Variants in PKN2 observed in about 807,000 individuals in gnomAD.
The protein encoded by PKN2 is serine/threonine-protein kinase N2.
PKN2 carries 38 observed loss-of-function variants against 119.1 expected under a neutral mutation model. The ratio of observed to expected loss-of-function variants is 0.32; its 90% CI spans 0.25 to 0.42. The LOEUF is 0.42. Among genes scored for constraint, PKN2 ranks in the 10% least tolerant of loss-of-function variants. The pLI, the probability that PKN2 is intolerant of heterozygous loss-of-function variation, is 1.00. For synonymous variants in PKN2, 390 were observed against 384.9 expected, an observed-to-expected ratio of 1.01 and a Z score of -0.15; for missense variants, 850 against 1,165.1, an observed-to-expected ratio of 0.73 and a Z score of 3.94.
At chr1:88,806,543 T>C (rs192899927) in intron 12 of PKN2, among the ~76,000 whole-genome samples, 2 of 152,292 alleles carry the variant, frequency 1.3e-5, no homozygotes, top group South Asian at 2.1e-4. Context: ...CTTCTTAATG[T>C]TGGCATGAAA....
At chr1:88,738,280 A>G (rs2100739692) in intron 1 of PKN2, among the ~76,000 whole-genome samples, 1 of 152,368 alleles carries the variant, frequency 6.6e-6, no homozygotes, top group Non-Finnish European at 1.5e-5. Flanking sequence ...AATTGTTTCA[A>G]TAAGGTACAC....
Position 88,813,698 on chromosome 1 carries a change from C to T in PKN2, c.2244C>T (p.His748=), listed in dbSNP as rs1285378571. 6.2e-7 allele frequency: 1 copy of T among 1,601,178 alleles called. No homozygotes were observed. Among genetic ancestry groups the T allele is most frequent in the Admixed American group, 1.8e-5 (1 of 56,976 alleles). Residue 748 remains histidine, a synonymous_variant, in exon 16 of 22, where the codon CAC becomes CAT. Transcript: ENST00000370521. ...EYAAGGDLMM[H]IHTDVFSEPR... is the part of the protein sequence containing the mutation. ...CTGCCGGTGGGGACCTAATGATGCACATTCATACTGATGTCTTTTCTGAAC... is the reference window on the plus strand; with the variant it reads ...CTGCCGGTGGGGACCTAATGATGCATATTCATACTGATGTCTTTTCTGAAC...
chr1:88,713,438 G>C (rs11803660), intron 1 of PKN2, among the ~76,000 whole-genome samples: 6,186 of 152,208 alleles, frequency 0.041, 201 homozygotes, highest in African/African-American at 0.084. Context: ...TCCAGCATCT[G>C]TTGTTTCCCT....
chr1:88,712,479 G>A (rs976924718), intron 1 of PKN2, among the ~76,000 whole-genome samples: 1 of 152,082 alleles, frequency 6.6e-6, no homozygotes, highest in Non-Finnish European at 1.5e-5. Flanking sequence ...TATGACTTCT[G>A]TAGGAGGAGT....
At chr1:88,790,246 ACCT>A (rs975991851) in intron 8 of PKN2, among the ~76,000 whole-genome samples, 1 of 152,166 alleles carries the variant, frequency 6.6e-6, no homozygotes, top group African/African-American at 2.4e-5. Flanking sequence ...TTCTTGCTTT[ACCT>A]CCTCATGCTG....
chr1:88,738,286 TA>T (rs1433559749), intron 1 of PKN2, among the ~76,000 whole-genome samples: 1 of 152,120 alleles, frequency 6.6e-6, no homozygotes, highest in African/African-American at 2.4e-5. Context: ...TTCAATAAGG[TA>T]CACAATATCA....
rs770040970 is a variant in PKN2, at chr1:88,684,571, C to G, written c.-10C>G. 1.4e-5 allele frequency: 22 copies of G among 1,547,300 alleles called. No individual in the cohort carries two copies. Among genetic ancestry groups the G allele is most frequent in the Non-Finnish European group, 3.5e-6 (4 of 1,146,504 alleles). ...GCCGCGTCCAGGTGCGGAGTCCATA[C>G]CGGAGCGCAATGGCGTCCAACCCCG... is the stretch of plus-strand genomic sequence containing the variant. On this transcript the variant is annotated 5_prime_UTR_variant, in exon 1 of 22. Coordinates refer to ENST00000370521, the MANE Select transcript of PKN2 (RefSeq NM_006256.4).
rs1387461755 is a variant in PKN2 at position 88,804,347 on chromosome 1, G to T, written c.1282-44G>T. ...TATTTTATTCAAGTGTGTGTCCAAT[G>T]ATGTCTTTTCTGTTTTCTTTATTAT... On this transcript the variant is annotated intron_variant, in intron 8 of 21. Coordinates refer to ENST00000370521, the MANE Select transcript of PKN2 (RefSeq NM_006256.4). 7 of 1,431,598 alleles carry T rather than the reference G, an allele frequency of 4.9e-6. No homozygotes were observed. In the Admixed American group the frequency reaches 1.0e-4, roughly 21 times the overall value. 88.7% of individuals were successfully genotyped at this position (1,431,598 alleles called of 1,614,324 possible).
At chr1:88,807,166 A>T (rs571630668) in intron 12 of PKN2, 147 bp from the exon 13 acceptor site, 30 of 607,980 alleles carry the variant, frequency 4.9e-5, no homozygotes, top group South Asian at 1.8e-4. Flanking sequence ...AGAAAAAAAA[A>T]TTTTTTTAAA....
At chr1:88,692,658 G>A (rs1411754562) in intron 1 of PKN2, among the ~76,000 whole-genome samples, 1 of 151,910 alleles carries the variant, frequency 6.6e-6, no homozygotes, top group African/African-American at 2.4e-5. Flanking sequence ...CTTTTTACGT[G>A]GCTTCTTCAG....
intron 15 of PKN2, among the ~76,000 whole-genome samples, chr1:88,813,328 A>G (rs752861563): frequency 1.3e-5 from 2 of 152,172 alleles, no homozygotes; most frequent in Non-Finnish European, 2.9e-5. Context: ...TAGACTATCA[A>G]TGTGAATGCT....
chr1:88,772,013 A>G (rs1179837864), intron 6 of PKN2, 134 bp downstream of exon 6: 2 of 627,154 alleles, frequency 3.2e-6, no homozygotes, highest in South Asian at 4.3e-5. Flanking sequence ...AATTTGTTGT[A>G]TTAACCATTT....
chr1:88,684,994 T>A (rs891131543), intron 1 of PKN2: 2 of 206,846 alleles, frequency 9.7e-6, no homozygotes, highest in African/African-American at 4.7e-5. Context: ...GCCCCCTCCC[T>A]TCGCGCGGCC....
intron 8 of PKN2, among the ~76,000 whole-genome samples, chr1:88,790,517 C>A (rs1204536987): frequency 2.0e-5 from 3 of 152,136 alleles, no homozygotes; most frequent in Non-Finnish European, 2.9e-5. Context: ...CTCAGTATTA[C>A]AGTCGAGAAT....
At chr1:88,727,172 G>T (rs79746043) in intron 1 of PKN2, among the ~76,000 whole-genome samples, 6 of 145,198 alleles carry the variant, frequency 4.1e-5, no homozygotes, top group African/African-American at 1.3e-4. Flanking sequence ...TTTTAATGAC[G>T]CTCTTTTTTT....
chr1:88,709,567 A>G (rs535535609), intron 1 of PKN2, among the ~76,000 whole-genome samples: 108 of 152,302 alleles, frequency 7.1e-4, no homozygotes, highest in African/African-American at 2.5e-3. Flanking sequence ...CAGGATTCAA[A>G]ATGGACATAA....
chr1:88,819,224 C>T (rs1672143257), intron 16 of PKN2, among the ~76,000 whole-genome samples: 1 of 152,132 alleles, frequency 6.6e-6, no homozygotes, highest in Admixed American at 6.5e-5. Context: ...AAACTGTCGT[C>T]AGAGTGAACA....
intron 18 of PKN2, among the ~76,000 whole-genome samples, chr1:88,825,152 G>T (rs1000153114): frequency 2.6e-5 from 4 of 152,190 alleles, no homozygotes; most frequent in Non-Finnish European, 5.9e-5. Flanking sequence ...ATGAATAAAT[G>T]AATGAACTCT....
chr1:88,764,731 G>T (rs1157108060), intron 3 of PKN2, among the ~76,000 whole-genome samples: 3 of 152,146 alleles, frequency 2.0e-5, no homozygotes, highest in Admixed American at 6.5e-5. Context: ...ACAAGGATCT[G>T]AGGAATGGGA....
Sources: allele counts gnomAD v4.1 joint callset (sites outside exome capture counted in the v4.1 genomes callset), GRCh38; gene constraint gnomAD v4.1.1; transcripts MANE v1.5; gene names NCBI Gene and HGNC (gene_info 2026-07-23, HGNC 2026-07-21).